The following SCUBE1 variants were observed in gnomAD, a reference collection of about 807,000 sequenced individuals.
SCUBE1 encodes signal peptide, CUB and EGF-like domain-containing protein 1.
In SCUBE1, 59 loss-of-function variants were observed where a neutral mutation model predicts 124.4. The observed-to-expected ratio is 0.47, with a 90% CI of 0.38 to 0.59. The LOEUF (loss-of-function observed/expected upper bound fraction) is 0.59. Ranked by LOEUF, SCUBE1 falls within the 20% of genes least tolerant of loss-of-function variation. The pLI is 0.00. For synonymous variants in SCUBE1, 545 were observed against 550.9 expected (o/e 0.99, Z 0.15); for missense variants, 1,150 against 1,371.2 (o/e 0.84, Z 2.55).
intron 6 of SCUBE1, among the ~76,000 whole-genome samples, chr22:43,256,835 C>T (rs745995388): frequency 5.3e-5 from 8 of 152,086 alleles, no homozygotes; most frequent in South Asian, 2.1e-4. Flanking sequence ...GGGAGAGAGG[C>T]CGGAGGAGAG....
intron 3 of SCUBE1, 42 bp downstream of exon 3, chr22:43,319,895 G>C: frequency 6.2e-7 from 1 of 1,605,742 alleles, no homozygotes; most frequent in Non-Finnish European, 8.5e-7. Context: ...AAAGCAACAG[G>C]CAGGGTGTGC....
rs750530974 is a variant in SCUBE1 at position 43,307,738 on chromosome 22, C to T, written c.349+12199G>A. Among the ~76,000 whole-genome samples the T allele has an allele frequency of 1.2e-4, 19 of 152,306 alleles. No homozygotes were observed. The Middle Eastern group carries it at 0.014, about 109-fold the overall frequency. On this transcript the variant is annotated intron_variant, in intron 3 of 21. Coordinates refer to ENST00000360835, the MANE Select transcript of SCUBE1 (RefSeq NM_173050.5). ...ACAGCGTGAGGCCCCTGCATGATTC[C>T]GCTTCGGAAAAAAGATTTCTGCTGC...
intron 7 of SCUBE1, chr22:43,238,594 C>T (rs1450073418): frequency 6.5e-6 from 4 of 612,034 alleles, no homozygotes; most frequent in Non-Finnish European, 1.2e-5. Context: ...CCTTTTTGGC[C>T]CAGGAACCTG....
chr22:43,212,260 G>A (rs539831825), intron 17 of SCUBE1, among the ~76,000 whole-genome samples, 165 bp downstream of exon 17: 7 of 152,360 alleles, frequency 4.6e-5, no homozygotes, highest in African/African-American at 1.7e-4. Context: ...GTCCTAATGC[G>A]GGGCACAGTG....
At chr22:43,206,719 C>T (rs540751452) in intron 21 of SCUBE1, among the ~76,000 whole-genome samples, 36 of 152,212 alleles carry the variant, frequency 2.4e-4, no homozygotes, top group African/African-American at 7.9e-4. Flanking sequence ...GATGGCCCTC[C>T]GGCTGAGGTT....
rs1920973360 is a variant in SCUBE1 at position 43,199,618 on chromosome 22, CA to C, written c.*4378del. On this transcript the variant is annotated 3_prime_UTR_variant, in exon 22 of 22. Transcript: ENST00000360835. Reference sequence around the variant, plus strand: ...CCGTGAGCCCTGCAGCCTGGGCCACCATGGAGGTGGGGGAGGACTGGGCCAC... The same window carrying C: ...CCGTGAGCCCTGCAGCCTGGGCCACCTGGAGGTGGGGGAGGACTGGGCCAC... 1 of 151,142 alleles carries C rather than the reference CA, an allele frequency of 6.6e-6. No individual in the cohort carries two copies. The highest frequency in any genetic ancestry group is 2.5e-5 in the African/African-American group (1 of 40,704). 9.4% of individuals were successfully genotyped at this position (151,142 alleles called of 1,614,324 possible). A position where few individuals can be genotyped will look rare whatever the true frequency, so the allele number is the denominator to read the frequency against.
At chr22:43,327,706 G>A (rs1477754190) in intron 2 of SCUBE1, among the ~76,000 whole-genome samples, 1 of 152,150 alleles carries the variant, frequency 6.6e-6, no homozygotes, top group Non-Finnish European at 1.5e-5. Context: ...AGAATCACTT[G>A]AACCCGGGAG....
chr22:43,244,868 G>A lies in SCUBE1; in HGVS notation c.728-5914C>T, dbSNP rs1923143624. The stretch of plus-strand genomic sequence containing the variant: ...CCTCAGTGGCCTACCCTGATGATGG[G>A]GGCAGCCCGGGGTCCTCGCCAGAAC... On this transcript the variant is annotated intron_variant, in intron 6 of 21. Coordinates refer to ENST00000360835, the MANE Select transcript of SCUBE1 (RefSeq NM_173050.5). Among the ~76,000 whole-genome samples, 3 of 152,264 alleles carry A rather than the reference G, an allele frequency of 2.0e-5. No individual in the cohort carries two copies. The South Asian group carries it at 6.2e-4, about 31-fold the overall frequency.
chr22:43,219,060 C>T (rs1287510754), intron 14 of SCUBE1, among the ~76,000 whole-genome samples: 4 of 152,236 alleles, frequency 2.6e-5, no homozygotes, highest in Non-Finnish European at 5.9e-5. Context: ...AATGGCACCT[C>T]TTCTGGGAAA....
At chr22:43,222,032 C>T (rs946294668) in intron 12 of SCUBE1, among the ~76,000 whole-genome samples, 1 of 152,126 alleles carries the variant, frequency 6.6e-6, no homozygotes, top group African/African-American at 2.4e-5. Context: ...CCACTGCACT[C>T]CAGCCTGGGT....
intron 3 of SCUBE1, among the ~76,000 whole-genome samples, chr22:43,316,516 C>A (rs985319487): frequency 1.3e-5 from 2 of 152,214 alleles, no homozygotes; most frequent in Admixed American, 1.3e-4. Context: ...AGATACTTCA[C>A]CTGGCATCTG....
In SCUBE1 at chr22:43,287,933, A is replaced by G. The variant is rs149895378; in HGVS notation, c.484+3113T>C. Among the ~76,000 whole-genome samples the G allele has an allele frequency of 2.0e-3, 305 of 152,290 alleles. 2 individuals carry two copies. The highest frequency in any genetic ancestry group is 9.7e-4 in the East Asian group (5 of 5,180). On this transcript the variant is annotated intron_variant, in intron 4 of 21. Coordinates refer to ENST00000360835, the MANE Select transcript of SCUBE1 (RefSeq NM_173050.5). ...CAGTCCCCAGGTCCCTGTCTCCCCA[A>G]TGGGCATTAATGGGCCGCTGACCAC...
At chr22:43,301,828 C>A (rs1012466852) in intron 3 of SCUBE1, among the ~76,000 whole-genome samples, 1 of 152,242 alleles carries the variant, frequency 6.6e-6, no homozygotes, top group Non-Finnish European at 1.5e-5. Context: ...ACGGACTGAG[C>A]ACTTCCAAAA....
At chr22:43,290,114 C>G (rs1481567690) in intron 4 of SCUBE1, among the ~76,000 whole-genome samples, 1 of 152,226 alleles carries the variant, frequency 6.6e-6, no homozygotes, top group Non-Finnish European at 1.5e-5. Flanking sequence ...ACAGCACACT[C>G]TGCTTTGGTA....
rs199833711 is a variant in SCUBE1, at chr22:43,258,250, G to A, written c.696C>T (p.Tyr232=). The A allele has an allele frequency of 6.8e-5, 110 of 1,613,870 alleles. No individual in the cohort carries two copies. The Admixed American group carries it at 1.3e-3, about 19-fold the overall frequency. ...ACGTGCGACCGTCTGAGTGGAGGGC[G>A]TACTTCTGGTGGCAACCACACGTGG... ...TGPTCGCHQK[Y]ALHSDGRTCI... The change falls in exon 6 of 22, where the codon TAC becomes TAT. Residue 232 remains tyrosine, a synonymous_variant. Transcript: ENST00000360835. The surrounding 1 kb of genome is among the most constrained non-coding windows in gnomAD (Gnocchi z 5.0).
At chr22:43,320,355 A>G (rs943794219) in intron 2 of SCUBE1, among the ~76,000 whole-genome samples, 1 of 152,186 alleles carries the variant, frequency 6.6e-6, no homozygotes, top group East Asian at 1.9e-4. Context: ...GTATTGAGTA[A>G]AATTAACTGC....
intron 5 of SCUBE1, among the ~76,000 whole-genome samples, chr22:43,261,805 A>G (rs1395749214): frequency 6.6e-6 from 1 of 152,232 alleles, no homozygotes; most frequent in Non-Finnish European, 1.5e-5. Context: ...TGCTTCCAGC[A>G]GTCTTCTTTG....
intron 3 of SCUBE1, among the ~76,000 whole-genome samples, chr22:43,293,622 T>C (rs925425005): frequency 9.8e-5 from 15 of 152,354 alleles, no homozygotes; most frequent in African/African-American, 3.6e-4. Flanking sequence ...TCTGGGCCTA[T>C]AAGACCCTGT....
chr22:43,298,487 A>G (rs967845849), intron 3 of SCUBE1, among the ~76,000 whole-genome samples: 3 of 152,206 alleles, frequency 2.0e-5, no homozygotes. Context: ...GCTCACGTCC[A>G]AACCCAGCAA....
Sources: gnomAD v4.1 joint callset for allele counts (sites outside exome capture counted in the v4.1 genomes callset) on GRCh38, gnomAD v4.1.1 for gene constraint, Gnocchi (gnomAD v3.1) non-coding constraint, MANE v1.5 for transcripts, NCBI Gene and HGNC (gene_info 2026-07-23, HGNC 2026-07-21) for gene names.